Variants in ANKRD12 observed in about 807,000 individuals in gnomAD.
ANKRD12 encodes the protein ankyrin repeat domain-containing protein 12.
ANKRD12 carries 85 observed loss-of-function variants against 183.4 expected under a neutral mutation model. The ratio of observed to expected loss-of-function variants is 0.46; its 90% confidence interval spans 0.39 to 0.56. The LOEUF (loss-of-function observed/expected upper bound fraction) is 0.56, where lower values mean the gene tolerates loss of function less well. Ranked by LOEUF, ANKRD12 falls within the 20% of genes least tolerant of loss-of-function variation. ANKRD12 has a pLI of 0.00. For synonymous variants in ANKRD12, 914 were observed against 800.2 expected (o/e 1.14, Z -2.40); for missense variants, 2,405 against 2,357.1 (o/e 1.02, Z -0.42).
chr18:9,221,797 T>C (rs903722565), intron 7 of ANKRD12, 55 bp from the exon 8 acceptor site: 1 of 1,573,102 alleles, frequency 6.4e-7, no homozygotes. Context: ...AGAGAATGGG[T>C]GCAGTGATAA....
intron 5 of ANKRD12, among the ~76,000 whole-genome samples, chr18:9,210,012 T>C (rs183633739): frequency 3.7e-4 from 56 of 152,264 alleles, no homozygotes; most frequent in Non-Finnish European, 6.5e-4. Context: ...TTAATTTTTT[T>C]TTCTTTTTTA....
At chr18:9,173,313 G>A (rs1435127935) in intron 1 of ANKRD12, among the ~76,000 whole-genome samples, 1 of 151,886 alleles carries the variant, frequency 6.6e-6, no homozygotes, top group African/African-American at 2.4e-5. Context: ...CAGGTGATCC[G>A]CCCTCCTCGG....
intron 2 of ANKRD12, among the ~76,000 whole-genome samples, chr18:9,188,867 T>C (rs1388956084): frequency 6.6e-6 from 1 of 152,224 alleles, no homozygotes; most frequent in Non-Finnish European, 1.5e-5. Flanking sequence ...CTCTCCCAAC[T>C]CCGCCCCTCC....
intron 8 of ANKRD12, among the ~76,000 whole-genome samples, chr18:9,223,326 T>C (rs2036527729): frequency 6.6e-6 from 1 of 151,596 alleles, no homozygotes; most frequent in Non-Finnish European, 1.5e-5. Flanking sequence ...TGATCTCGGC[T>C]CACTGCAAGC....
intron 1 of ANKRD12, among the ~76,000 whole-genome samples, chr18:9,150,037 T>C (rs2143548194): frequency 6.6e-6 from 1 of 152,110 alleles, no homozygotes; most frequent in Non-Finnish European, 1.5e-5. Flanking sequence ...CCTCAGGTGA[T>C]CTCGCCTCGG....
intron 2 of ANKRD12, among the ~76,000 whole-genome samples, chr18:9,192,727 G>A (rs191114622): frequency 6.6e-6 from 1 of 151,466 alleles, no homozygotes; most frequent in Admixed American, 6.6e-5. Context: ...TTAGAGACAG[G>A]GTCTTGCTCT....
intron 3 of ANKRD12, among the ~76,000 whole-genome samples, chr18:9,204,200 T>G (rs978161513): frequency 6.6e-6 from 1 of 152,180 alleles, no homozygotes; most frequent in African/African-American, 2.4e-5. Flanking sequence ...TCAAAAAAGA[T>G]AGTGTGTTTT....
At chr18:9,253,330 T>C (rs1048381351) in intron 8 of ANKRD12, among the ~76,000 whole-genome samples, 4 of 152,224 alleles carry the variant, frequency 2.6e-5, no homozygotes, top group African/African-American at 7.2e-5. Context: ...CCATTAACTC[T>C]CATCTCCCCA....
At chr18:9,261,196 A>T (rs2038944542) in intron 9 of ANKRD12, among the ~76,000 whole-genome samples, 1 of 152,182 alleles carries the variant, frequency 6.6e-6, no homozygotes, top group Non-Finnish European at 1.5e-5. Flanking sequence ...AAGCTGTCAG[A>T]CCTTTCATGG....
Position 9,195,709 on chromosome 18 carries a change from T to G in ANKRD12, c.235+11T>G, listed in dbSNP as rs1598517763. 2.5e-6 allele frequency: 4 copies of G among 1,603,122 alleles called. No homozygotes were observed. The highest frequency in any genetic ancestry group is 3.4e-6 in the Non-Finnish European group (4 of 1,174,998). On this transcript the variant is annotated intron_variant, in intron 3 of 12. Transcript: ENST00000262126. ...GAGATTCAGACACAGGTAGAATAATTTGCTGTTCTCTGGTAAAATCTTGCC... is the reference window on the plus strand; with the variant it reads ...GAGATTCAGACACAGGTAGAATAATGTGCTGTTCTCTGGTAAAATCTTGCC...
intron 1 of ANKRD12, among the ~76,000 whole-genome samples, chr18:9,156,816 T>G (rs367581097): frequency 1.3e-5 from 2 of 152,282 alleles, no homozygotes; most frequent in Admixed American, 6.5e-5. Context: ...GAAAAAAAAT[T>G]GTGACACATG....
intron 1 of ANKRD12, among the ~76,000 whole-genome samples, chr18:9,181,554 C>G (rs2033702407): frequency 6.6e-6 from 1 of 152,168 alleles, no homozygotes; most frequent in Non-Finnish European, 1.5e-5. Context: ...TGCAGTAGAC[C>G]TTTCTGTTAT....
intron 1 of ANKRD12, among the ~76,000 whole-genome samples, chr18:9,156,161 A>T (rs2030421660): frequency 6.6e-6 from 1 of 151,466 alleles, no homozygotes; most frequent in South Asian, 2.1e-4. Context: ...AAAAAGAAAA[A>T]GACTTTTGAC....
intron 9 of ANKRD12, 88 bp downstream of exon 9, chr18:9,259,019 GTAGA>G (rs1468946367): frequency 2.6e-5 from 36 of 1,407,080 alleles, no homozygotes; most frequent in South Asian, 3.2e-5. Flanking sequence ...AAGTTTTCTA[GTAGA>G]TAGATAATTT....
intron 1 of ANKRD12, among the ~76,000 whole-genome samples, chr18:9,175,758 G>A (rs1373338799): frequency 2.6e-5 from 4 of 151,696 alleles, no homozygotes; most frequent in African/African-American, 9.7e-5. Context: ...GAACTCCTGA[G>A]CTCAGGCAGT....
intron 8 of ANKRD12, among the ~76,000 whole-genome samples, chr18:9,227,160 A>G (rs576079574): frequency 4.8e-4 from 73 of 152,278 alleles, no homozygotes; most frequent in African/African-American, 1.6e-3. Context: ...TTACACTCAT[A>G]TACTTTAGAA....
At position 9,227,073 on chromosome 18, in the gene ANKRD12, G is replaced by A. The variant is rs139966826; in HGVS notation, c.943+5074G>A. On this transcript the variant is annotated intron_variant, in intron 8 of 12. Coordinates refer to ENST00000262126, the MANE Select transcript of ANKRD12 (RefSeq NM_015208.5). ...GTGTAAATTTATGAAGTTGATTACT[G>A]TGGTGACAGAAGAGAATATTCTTGT... 6.2e-3 allele frequency among the ~76,000 whole-genome samples: 949 copies of A among 152,216 alleles called. 10 individuals are homozygous for A. The highest frequency in any genetic ancestry group is 0.021 in the African/African-American group (890 of 41,548).
intron 1 of ANKRD12, among the ~76,000 whole-genome samples, chr18:9,168,587 G>C (rs892996992): frequency 6.6e-6 from 1 of 151,984 alleles, no homozygotes. Flanking sequence ...ATTTTTTATT[G>C]CGTCTATTTG....
chr18:9,265,149 C>T (rs2039212392), intron 10 of ANKRD12, among the ~76,000 whole-genome samples: 1 of 152,258 alleles, frequency 6.6e-6, no homozygotes, highest in Non-Finnish European at 1.5e-5. Context: ...GGGTGGAGCC[C>T]ACTGCAGCTC....
Sources: gnomAD v4.1 joint callset for allele counts (sites outside exome capture counted in the v4.1 genomes callset) on GRCh38, gnomAD v4.1.1 for gene constraint, MANE v1.5 for transcripts, NCBI Gene and HGNC (gene_info 2026-07-23, HGNC 2026-07-21) for gene names.